The following NEIL3 variants were observed in gnomAD, a reference collection of about 807,000 sequenced individuals.
The protein encoded by NEIL3 is nei like DNA glycosylase 3, also known as endonuclease 8-like 3.
Under a neutral mutation model 57.5 loss-of-function variants are expected in NEIL3, and 48 were observed. That is an observed-to-expected ratio of 0.83 (90% CI 0.66 to 1.06). NEIL3 has a LOEUF of 1.06. NEIL3 is among the 50% of genes least tolerant of loss of function. The pLI is 0.00. For synonymous variants in NEIL3, 261 were observed against 253.2 expected (o/e 1.03, Z -0.29); for missense variants, 717 against 739.1 (o/e 0.97, Z 0.35).
intron 9 of NEIL3, among the ~76,000 whole-genome samples, chr4:177,361,279 G>A (rs750228129): frequency 2.0e-5 from 3 of 152,224 alleles, no homozygotes; most frequent in East Asian, 1.9e-4. Context: ...TCTCACTTCC[G>A]GTATTCCTCG....
At chr4:177,326,761 A>G (rs2111121547) in intron 2 of NEIL3, among the ~76,000 whole-genome samples, 1 of 152,168 alleles carries the variant, frequency 6.6e-6, no homozygotes, top group African/African-American at 2.4e-5. Flanking sequence ...CTTCAGACAT[A>G]TTTTATATTT....
chr4:177,352,786 C>T lies in NEIL3; in HGVS notation c.1040-522C>T, dbSNP rs375257240. On this transcript the variant is annotated intron_variant, in intron 7 of 9. Transcript: ENST00000264596. Reference sequence around the variant, plus strand: ...CGGAGGTTGCAGTGAGCCGAGATCGCGCCACTGCACTCCAGCCTGGGCAAC... The same window carrying T: ...CGGAGGTTGCAGTGAGCCGAGATCGTGCCACTGCACTCCAGCCTGGGCAAC... Among the ~76,000 whole-genome samples, 12 of 151,366 alleles carry T rather than the reference C, an allele frequency of 7.9e-5. No homozygotes were observed. In the East Asian group the frequency reaches 1.8e-3, roughly 22 times the overall value.
chr4:177,330,225 T>C (rs980360552), intron 2 of NEIL3, among the ~76,000 whole-genome samples: 1 of 152,206 alleles, frequency 6.6e-6, no homozygotes, highest in African/African-American at 2.4e-5. Context: ...AAATTTAAAG[T>C]ATTTGGAAAT....
In NEIL3 at chr4:177,309,896, G is replaced by A; in HGVS notation, c.-58G>A. The stretch of plus-strand genomic sequence containing the variant: ...GTCAGTGCCCGCGCAGCGTTGAGTT[G>A]CACAGCGGTATTCTCACCAGGCCCT... On this transcript the variant is annotated 5_prime_UTR_variant, in exon 1 of 10. Coordinates refer to ENST00000264596, the MANE Select transcript of NEIL3 (RefSeq NM_018248.3). The A allele has an allele frequency of 1.3e-6, 2 of 1,562,668 alleles. No homozygotes were observed. The highest frequency in any genetic ancestry group is 1.7e-6 in the Non-Finnish European group (2 of 1,158,476).
intron 6 of NEIL3, among the ~76,000 whole-genome samples, chr4:177,346,251 C>T (rs1050372972): frequency 9.9e-5 from 15 of 152,180 alleles, no homozygotes; most frequent in East Asian, 3.9e-4. Flanking sequence ...ACTGTGATCT[C>T]GAACTCCTGG....
intron 6 of NEIL3, among the ~76,000 whole-genome samples, chr4:177,342,062 C>T (rs536552820): frequency 4.6e-5 from 7 of 152,326 alleles, no homozygotes; most frequent in East Asian, 1.9e-4. Flanking sequence ...ACTAAACCCA[C>T]GTGTAGTAGT....
Position 177,316,783 on chromosome 4 carries a change from C to G in NEIL3, c.157-5676C>G, listed in dbSNP as rs151206006. On this transcript the variant is annotated intron_variant, in intron 1 of 9. Transcript: ENST00000264596. ...TTATAGACAGGGGAGAAATGCAAGTCACAGACAAGTAATAATTCAGTATAG... is the reference window on the plus strand; with the variant it reads ...TTATAGACAGGGGAGAAATGCAAGTGACAGACAAGTAATAATTCAGTATAG... 8.1e-4 allele frequency among the ~76,000 whole-genome samples: 124 copies of G among 152,226 alleles called. 1 individual carries two copies. Among genetic ancestry groups the G allele is most frequent in the African/African-American group, 2.7e-3 (111 of 41,534 alleles).
intron 1 of NEIL3, among the ~76,000 whole-genome samples, chr4:177,320,453 A>G (rs1734656149): frequency 7.2e-6 from 1 of 139,458 alleles, no homozygotes; most frequent in Non-Finnish European, 1.5e-5. Context: ...GCAGAACAGG[A>G]AGTGACTGCT....
At chr4:177,354,215 A>G (rs1735425832) in intron 8 of NEIL3, 1 of 152,268 alleles carries the variant, frequency 6.6e-6, no homozygotes, top group African/African-American at 2.4e-5. Flanking sequence ...AGGGAAGGAA[A>G]TGAAAAACGT....
intron 6 of NEIL3, among the ~76,000 whole-genome samples, chr4:177,342,777 A>G (rs1023079594): frequency 1.3e-5 from 2 of 152,268 alleles, no homozygotes; most frequent in African/African-American, 2.4e-5. Context: ...TGACTCATTA[A>G]TAAACATGGC....
At chr4:177,322,352 A>C (rs1734700899) in intron 1 of NEIL3, 107 bp from the exon 2 acceptor site, 2 of 1,399,868 alleles carry the variant, frequency 1.4e-6, no homozygotes, top group Non-Finnish European at 9.9e-7. Context: ...TCTCATTGGA[A>C]TGCACCTGGG....
intron 7 of NEIL3, among the ~76,000 whole-genome samples, chr4:177,352,626 C>G (rs943574982): frequency 1.3e-5 from 2 of 151,870 alleles, no homozygotes; most frequent in Non-Finnish European, 2.9e-5. Context: ...GTCAGGAGAT[C>G]GAGACCATCC....
chr4:177,365,320 C>T (rs1560925491), downstream of NEIL3, among the ~76,000 whole-genome samples: 1 of 152,108 alleles, frequency 6.6e-6, no homozygotes, highest in Non-Finnish European at 1.5e-5. Context: ...CCACCTGGTG[C>T]CCTGAGCTGC....
chr4:177,313,551 G>T (rs1009729815), intron 1 of NEIL3, among the ~76,000 whole-genome samples: 2 of 152,160 alleles, frequency 1.3e-5, no homozygotes, highest in African/African-American at 4.8e-5. Context: ...GAATATAAAT[G>T]AACATATCTG....
chr4:177,360,738 T>A, intron 9 of NEIL3, 61 bp downstream of exon 9: 1 of 1,274,152 alleles, frequency 7.8e-7, no homozygotes, highest in Non-Finnish European at 1.1e-6. Flanking sequence ...TATTAATGTA[T>A]AACAAATAGC....
At chr4:177,358,182 A>C (rs1162550282) in intron 8 of NEIL3, among the ~76,000 whole-genome samples, 1 of 152,204 alleles carries the variant, frequency 6.6e-6, no homozygotes, top group Non-Finnish European at 1.5e-5. Flanking sequence ...GCAGGCAATC[A>C]GGAGTAGGGG....
chr4:177,352,402 C>T (rs1311760089), intron 7 of NEIL3, among the ~76,000 whole-genome samples: 1 of 152,162 alleles, frequency 6.6e-6, no homozygotes, highest in Non-Finnish European at 1.5e-5. Context: ...TTCTGAAATG[C>T]ATTTATATGT....
At position 177,360,585 on chromosome 4, in the gene NEIL3, A is replaced by G. The variant is rs918537111; in HGVS notation, c.1543A>G (p.Ile515Val). Residue 515 changes from isoleucine to valine, a missense_variant, in exon 9 of 10, where the codon ATT becomes GTT. Physicochemically the swap from Ile to Val is conservative, Grantham distance 29 (BLOSUM62 3). Transcript: ENST00000264596. ...PRCSKHNRLC[I>V]LRVVGKDGEN... is the part of the protein sequence containing the mutation. The stretch of plus-strand genomic sequence containing the variant: ...CTGCAGTAAACACAACCGCCTCTGC[A>G]TTCTCCGAGTTGTGGGGAAGGATGG... 1 of 1,613,942 alleles carries G rather than the reference A, an allele frequency of 6.2e-7. No homozygotes were observed. The highest frequency in any genetic ancestry group is 8.5e-7 in the Non-Finnish European group (1 of 1,179,926).
intron 2 of NEIL3, among the ~76,000 whole-genome samples, chr4:177,334,058 CTAAT>C (rs1734930617): frequency 1.3e-5 from 2 of 151,458 alleles, no homozygotes; most frequent in Admixed American, 6.6e-5. Flanking sequence ...GTTTCCTAAA[CTAAT>C]TAATTATGAG....
Sources: allele counts gnomAD v4.1 joint callset (sites outside exome capture counted in the v4.1 genomes callset), GRCh38; gene constraint gnomAD v4.1.1; transcripts MANE v1.5; gene names NCBI Gene and HGNC (gene_info 2026-07-23, HGNC 2026-07-21).